PIH1D2: variants seen among roughly 807,000 people sequenced by gnomAD.
The protein encoded by PIH1D2 is PIH1 domain-containing protein 2.
In PIH1D2, 25 loss-of-function variants were observed where a neutral mutation model predicts 31.2. The ratio of observed to expected loss-of-function variants is 0.80; its 90% CI spans 0.58 to 1.12. The LOEUF is 1.12. Ranked by LOEUF, PIH1D2 falls within the 50% of genes most tolerant of loss-of-function variation. The probability of loss-of-function intolerance (pLI) is 0.00; values close to 1 mark genes in which losing one functional copy is unlikely to be tolerated. For missense variants in PIH1D2, 310 were observed against 356.6 expected, an observed-to-expected ratio of 0.87 and a Z score of 1.05; for synonymous variants, 116 against 119.9, an observed-to-expected ratio of 0.97 and a Z score of 0.21.
chr11:112,062,730 A>C, downstream of PIH1D2: 1 of 612,142 alleles, frequency 1.6e-6, no homozygotes, highest in Non-Finnish European at 2.8e-6. Flanking sequence ...GTGCACATTT[A>C]ATAATCAGAC....
At chr11:112,072,889 C>T (rs500638) in intron 2 of PIH1D2, 109 bp downstream of exon 2, 2 of 881,546 alleles carry the variant, frequency 2.3e-6, no homozygotes, top group South Asian at 5.6e-5. Context: ...CAAAACAAAA[C>T]AAAAAAAAAA....
intron 2 of PIH1D2, 95 bp downstream of exon 2, chr11:112,072,900 CAAA>C: frequency 3.3e-5 from 34 of 1,019,416 alleles, no homozygotes; most frequent in South Asian, 5.1e-5. Context: ...AAAAAAAAAA[CAAA>C]AAAAATTAGC....
chr11:112,056,060 A>G, the PIH1D2 span, among the ~76,000 whole-genome samples: 12,547 of 149,804 alleles, frequency 0.084, 1,546 homozygotes, highest in African/African-American at 0.27. Context: ...TAGAGATGGG[A>G]TTTCACCATG....
At chr11:112,066,637 CAA>C (rs34049901), downstream of PIH1D2, among the ~76,000 whole-genome samples, 2 of 144,492 alleles carry the variant, frequency 1.4e-5, no homozygotes, top group Admixed American at 6.9e-5. Context: ...GATTCCGTCT[CAA>C]AAAAAAAAAA....
downstream of PIH1D2, among the ~76,000 whole-genome samples, chr11:112,062,179 T>TAA (rs1485792850): frequency 3.3e-5 from 5 of 152,152 alleles, no homozygotes; most frequent in Non-Finnish European, 5.9e-5. Flanking sequence ...CTTTACCTAA[T>TAA]AAAAACAGGC....
chr11:112,053,446 T>G, the PIH1D2 span, among the ~76,000 whole-genome samples: 1 of 152,230 alleles, frequency 6.6e-6, no homozygotes, highest in Middle Eastern at 3.4e-3. Context: ...TGTTTGTTTT[T>G]TTTTGTTTTT....
At chr11:112,062,295 G>T, downstream of PIH1D2, 1 of 1,131,878 alleles carries the variant, frequency 8.8e-7, no homozygotes. Flanking sequence ...AGAGTAGATA[G>T]GAAGTATTAC....
chr11:112,057,477 A>C, the PIH1D2 span, among the ~76,000 whole-genome samples: 1 of 152,262 alleles, frequency 6.6e-6, no homozygotes, highest in African/African-American at 2.4e-5. Flanking sequence ...AATGAAAAGT[A>C]CTATCCTGGT....
intron 5 of PIH1D2, chr11:112,069,897 T>C (rs1332663773): frequency 6.2e-6 from 1 of 160,280 alleles, no homozygotes; most frequent in Admixed American, 5.8e-5. Flanking sequence ...ACTGAGGGAG[T>C]ACATAACTTT....
At chr11:112,067,569 GC>G (rs1182700118), downstream of PIH1D2, among the ~76,000 whole-genome samples, 1 of 145,810 alleles carries the variant, frequency 6.9e-6, no homozygotes, top group Non-Finnish European at 1.5e-5. Flanking sequence ...GGAGGCTGAG[GC>G]AGAATCGCTT....
rs1390867271 is a variant in PIH1D2, at chr11:112,068,007, T to A, written c.814-2A>T. The A allele has an allele frequency of 6.5e-7, 1 of 1,545,870 alleles. No homozygotes were observed. The highest frequency in any genetic ancestry group is 8.9e-7 in the Non-Finnish European group (1 of 1,128,698). Reference sequence around the variant, plus strand: ...AGATACTTCAATCAATAAATCATCCTAAGAATAATAAACCAAGAGATTTAT... The same window carrying A: ...AGATACTTCAATCAATAAATCATCCAAAGAATAATAAACCAAGAGATTTAT... On this transcript the variant is annotated splice_acceptor_variant, in intron 5 of 5. Coordinates refer to ENST00000280350, the MANE Select transcript of PIH1D2 (RefSeq NM_138789.4). LOFTEE classifies it high-confidence loss of function.
At position 112,070,717 on chromosome 11, in the gene PIH1D2, G is replaced by C. The variant is rs368306174; in HGVS notation, c.548-16C>G. The C allele has an allele frequency of 1.5e-5, 24 of 1,603,122 alleles. No homozygotes were observed. The highest frequency in any genetic ancestry group is 2.0e-5 in the Non-Finnish European group (23 of 1,174,480). ...AGAGTTAGTTCTTTATGAAAAAAAG[G>C]GTGGAGGGGAGATAAAAAATAAATC... On this transcript the variant is annotated splice_polypyrimidine_tract_variant and intron_variant, in intron 4 of 5. Coordinates refer to ENST00000280350, the MANE Select transcript of PIH1D2 (RefSeq NM_138789.4).
intron 1 of PIH1D2, 59 bp from the exon 2 acceptor site, chr11:112,073,264 G>T: frequency 8.1e-7 from 1 of 1,240,808 alleles, no homozygotes; most frequent in Non-Finnish European, 1.1e-6. Context: ...ATTCATTTCT[G>T]CTTTGGGGAG....
chr11:112,061,302 C>T, downstream of PIH1D2: 2 of 925,790 alleles, frequency 2.2e-6, no homozygotes, highest in Non-Finnish European at 3.5e-6. Flanking sequence ...GCTCAAGTCC[C>T]TGATATGATA....
chr11:112,068,649 T>C (rs1555184148), intron 5 of PIH1D2, among the ~76,000 whole-genome samples: 1 of 152,008 alleles, frequency 6.6e-6, no homozygotes, highest in African/African-American at 2.4e-5. Flanking sequence ...CCAGGCTTGG[T>C]GGCACATGCC....
At chr11:112,073,354 G>A in intron 1 of PIH1D2, 149 bp from the exon 2 acceptor site, 1 of 508,004 alleles carries the variant, frequency 2.0e-6, no homozygotes. Context: ...ACCACTTTAT[G>A]TTTTCCTTAT....
intron 5 of PIH1D2, among the ~76,000 whole-genome samples, chr11:112,068,223 T>C (rs782596831): frequency 3.3e-5 from 5 of 152,252 alleles, no homozygotes; most frequent in African/African-American, 7.2e-5. Flanking sequence ...CAGTAGAGTG[T>C]TGCCATCCTA....
chr11:112,068,053 T>C (rs1864994529), intron 5 of PIH1D2, 48 bp from the exon 6 acceptor site: 1 of 1,294,476 alleles, frequency 7.7e-7, no homozygotes, highest in Admixed American at 2.1e-5. Flanking sequence ...AAATTTGGGA[T>C]ACTAACTTAT....
the PIH1D2 span, among the ~76,000 whole-genome samples, chr11:112,055,348 G>A: frequency 2.7e-5 from 4 of 146,616 alleles, no homozygotes; most frequent in Admixed American, 1.4e-4. Flanking sequence ...GGTTCATGCC[G>A]TTCTCCTGCC....
Sources: gnomAD v4.1 joint callset for allele counts (sites outside exome capture counted in the v4.1 genomes callset) on GRCh38, gnomAD v4.1.1 for gene constraint, MANE v1.5 for transcripts, NCBI Gene and HGNC (gene_info 2026-07-23, HGNC 2026-07-21) for gene names.